Variants in SLC26A4 observed in about 807,000 individuals in gnomAD.
SLC26A4 encodes solute carrier family 26 member 4.
In SLC26A4, 93 loss-of-function variants were observed where a neutral mutation model predicts 90.4. The observed-to-expected ratio is 1.03, with a 90% confidence interval of 0.87 to 1.22. The LOEUF is 1.22. SLC26A4 is among the 50% of genes most tolerant of loss of function. The pLI is 0.00. For missense variants in SLC26A4, 1,127 were observed against 946.2 expected, an observed-to-expected ratio of 1.19 and a Z score of -2.51; for synonymous variants, 393 against 354.6, an observed-to-expected ratio of 1.11 and a Z score of -1.22.
intron 6 of SLC26A4, among the ~76,000 whole-genome samples, chr7:107,681,512 T>C: frequency 6.6e-6 from 1 of 152,314 alleles, no homozygotes; most frequent in Middle Eastern, 3.4e-3. Context: ...TTATAAACTA[T>C]AAGATGCTCC....
chr7:107,683,298 T>C lies in SLC26A4; in HGVS notation c.862T>C (p.Leu288=). The C allele has an allele frequency of 6.2e-7, 1 of 1,613,756 alleles. No homozygotes were observed. Among genetic ancestry groups the C allele is most frequent in the Non-Finnish European group, 8.5e-7 (1 of 1,179,808 alleles). Reference sequence around the variant, plus strand: ...TGTCGTCTGTATGGCAGTTAAGGAATTAAATGATCGGTTTAGACACAAAAT... The same window carrying C: ...TGTCGTCTGTATGGCAGTTAAGGAACTAAATGATCGGTTTAGACACAAAAT... ...TIVVCMAVKE[L]NDRFRHKIPV... is the part of the protein sequence containing the mutation. Residue 288 remains leucine (L), a synonymous_variant, in exon 7 of 21, where the codon TTA becomes CTA. Transcript: ENST00000644269.
intron 20 of SLC26A4, among the ~76,000 whole-genome samples, chr7:107,715,047 A>AC (rs1308267471): frequency 7.3e-6 from 1 of 137,856 alleles, no homozygotes; most frequent in East Asian, 2.2e-4. Context: ...TAACATGGTA[A>AC]CCCCCCGACC....
At chr7:107,691,934 T>C in intron 10 of SLC26A4, 1 of 1,287,026 alleles carries the variant, frequency 7.8e-7, no homozygotes, top group East Asian at 5.6e-5. Flanking sequence ...AGCAGGAACT[T>C]CTGCTGCTTT....
chr7:107,661,787 G>A lies in SLC26A4; in HGVS notation c.146G>A (p.Ser49Asn). ...RLQERKTLRE[S>N]LAKCCSCSRK... ...CAGGAGCGCAAGACGCTGCGGGAGA[G>A]CCTGGCCAAGTGCTGCAGGTAGCGG... is the stretch of plus-strand genomic sequence containing the variant. The change falls in exon 2 of 21, where the codon AGC (serine) becomes AAC (asparagine). Residue 49 changes from serine to asparagine, a missense_variant. Coordinates refer to ENST00000644269, the MANE Select transcript of SLC26A4 (RefSeq NM_000441.2). The surrounding 1 kb of genome is among the most constrained non-coding windows in gnomAD (Gnocchi z 5.1). 1 of 1,538,964 alleles carries A rather than the reference G, an allele frequency of 6.5e-7. No homozygotes were observed. The highest frequency in any genetic ancestry group is 2.0e-5 in the Admixed American group (1 of 51,040).
intron 6 of SLC26A4, among the ~76,000 whole-genome samples, chr7:107,677,440 T>TTTA (rs1042367218): frequency 2.0e-5 from 3 of 151,818 alleles, no homozygotes; most frequent in Non-Finnish European, 2.9e-5. Context: ...AAGAATTGAG[T>TTTA]TTATTATTAT....
intron 18 of SLC26A4, among the ~76,000 whole-genome samples, chr7:107,705,971 C>G (rs1792027030): frequency 1.3e-5 from 2 of 152,304 alleles, no homozygotes; most frequent in South Asian, 4.1e-4. Context: ...TACAGAGCTT[C>G]AGGAACTGAG....
intron 8 of SLC26A4, 115 bp from the exon 9 acceptor site, chr7:107,688,938 T>C (rs1297546074): frequency 5.5e-6 from 6 of 1,086,988 alleles, no homozygotes; most frequent in African/African-American, 4.7e-5. Flanking sequence ...TTTGTTCTTT[T>C]GGATCAAGTA....
At chr7:107,674,521 C>G (rs1790968201) in intron 5 of SLC26A4, among the ~76,000 whole-genome samples, 173 bp downstream of exon 5, 1 of 151,904 alleles carries the variant, frequency 6.6e-6, no homozygotes, top group Non-Finnish European at 1.5e-5. Context: ...TAAGCAAGAC[C>G]CCACTTATTA....
At position 107,715,783 on chromosome 7, in the gene SLC26A4, G is replaced by A. The variant is rs1792331016; in HGVS notation, c.*337G>A. 1 of 360,816 alleles carries A rather than the reference G, an allele frequency of 2.8e-6. No homozygotes were observed. The highest frequency in any genetic ancestry group is 5.1e-6 in the Non-Finnish European group (1 of 196,292). 22.4% of individuals were successfully genotyped at this position (360,816 alleles called of 1,614,324 possible). Reference sequence around the variant, plus strand: ...GAGTGCTGACCCAACAGCCTCTGTGGTCAAGCGAGTCACGAATGATTAATC... The same window carrying A: ...GAGTGCTGACCCAACAGCCTCTGTGATCAAGCGAGTCACGAATGATTAATC... On this transcript the variant is annotated 3_prime_UTR_variant, in exon 21 of 21. Coordinates refer to ENST00000644269, the MANE Select transcript of SLC26A4 (RefSeq NM_000441.2).
intron 6 of SLC26A4, 91 bp from the exon 7 acceptor site, chr7:107,683,111 T>G (rs932230304): frequency 2.1e-6 from 2 of 941,744 alleles, no homozygotes; most frequent in Non-Finnish European, 1.7e-6. Flanking sequence ...GTGGGAAGAT[T>G]CATATGAGAA....
rs1328652389 is a variant in SLC26A4, at chr7:107,661,242, C to T, written c.-4+387C>T. On this transcript the variant is annotated intron_variant, in intron 1 of 20. Transcript: ENST00000644269. This position sits in a 1 kb window ranked among gnomAD's most constrained non-coding sequence, Gnocchi z 5.1. ...GGGAGGGAATCTCAGTGTCCCCTTC[C>T]AGCCTTGCAAGCGCCTTTGGCCCCT... is the stretch of plus-strand genomic sequence containing the variant. 1.9e-5 allele frequency: 5 copies of T among 264,270 alleles called. No homozygotes were observed. Among genetic ancestry groups the T allele is most frequent in the African/African-American group, 1.2e-4 (5 of 43,266 alleles). 16.4% of individuals were successfully genotyped at this position (264,270 alleles called of 1,614,324 possible). A position where few individuals can be genotyped will look rare whatever the true frequency, so the allele number is the denominator to read the frequency against.
chr7:107,711,346 A>G (rs1179502596), intron 19 of SLC26A4, among the ~76,000 whole-genome samples: 1 of 152,176 alleles, frequency 6.6e-6, no homozygotes, highest in Non-Finnish European at 1.5e-5. Flanking sequence ...CTTTCTCAAC[A>G]TGAAAGCAGT....
rs944495881 is a variant in SLC26A4 at position 107,661,486 on chromosome 7, C to A, written c.-3-153C>A. On this transcript the variant is annotated intron_variant, in intron 1 of 20. Transcript: ENST00000644269. The surrounding 1 kb of genome is among the most constrained non-coding windows in gnomAD (Gnocchi z 5.1). ...CGCGCCGTGGGGCGCTTGTCGCGAG[C>A]GCCGAGGGCTGCAGGACGCGGACCA... 2.3e-6 allele frequency: 2 copies of A among 860,072 alleles called. No homozygotes were observed. The highest frequency in any genetic ancestry group is 1.7e-5 in the African/African-American group (1 of 59,870). 53.3% of individuals were successfully genotyped at this position (860,072 alleles called of 1,614,324 possible). A position where few individuals can be genotyped will look rare whatever the true frequency, so the allele number is the denominator to read the frequency against.
intron 10 of SLC26A4, among the ~76,000 whole-genome samples, chr7:107,691,512 T>TACACACAC (rs760010561): frequency 0.014 from 1,509 of 110,420 alleles, 21 homozygotes; most frequent in South Asian, 0.054. Context: ...CAAATATATA[T>TACACACAC]ATACACACAC....
intron 6 of SLC26A4, among the ~76,000 whole-genome samples, chr7:107,677,893 A>C (rs1049109002): frequency 2.6e-5 from 4 of 152,192 alleles, no homozygotes; most frequent in African/African-American, 4.8e-5. Flanking sequence ...CTGGGATTAA[A>C]GGAGTGAGCC....
chr7:107,693,364 A>T (rs1200827768), intron 10 of SLC26A4: 2 of 985,274 alleles, frequency 2.0e-6, no homozygotes, highest in Non-Finnish European at 2.4e-6. Flanking sequence ...TATAATCTAA[A>T]TATAAATGAT....
rs956535015 is a variant in SLC26A4, at chr7:107,663,315, T to C, written c.184T>C (p.Phe62Leu). 4 of 1,614,060 alleles carry C rather than the reference T, an allele frequency of 2.5e-6. No individual in the cohort carries two copies. In the Admixed American group the frequency reaches 5.0e-5, roughly 20 times the overall value. The change falls in exon 3 of 21, where the codon TTT (phenylalanine) becomes CTT (leucine). Residue 62 changes from phenylalanine to leucine, a missense_variant. By Grantham distance (22) the Phe-to-Leu change is conservative. Coordinates refer to ENST00000644269, the MANE Select transcript of SLC26A4 (RefSeq NM_000441.2). ...TGACAGTTGTTCAAGAAAGAGAGCC[T>C]TTGGTGTGCTAAAGACTCTTGTGCC... ...KCCSCSRKRA[F>L]GVLKTLVPIL...
intron 3 of SLC26A4, 39 bp downstream of exon 3, chr7:107,663,474 G>C (rs1790625740): frequency 6.2e-7 from 1 of 1,611,774 alleles, no homozygotes; most frequent in African/African-American, 1.3e-5. Flanking sequence ...GTCTCCAGCA[G>C]GAGTTTAACA....
rs1584346891 is a variant in SLC26A4, at chr7:107,712,593, A to G, written c.2290A>G (p.Thr764Ala). 2 of 1,587,528 alleles carry G rather than the reference A, an allele frequency of 1.3e-6. No homozygotes were observed. ...DTLELIETEL[T>A]EEELDVQDEA... ...CCTTGAATTAATAGAAACAGAGCTG[A>G]CGGAAGAAGAACTTGATGTCCAGGA... The change falls in exon 20 of 21, where the codon ACG (threonine) becomes GCG (alanine). Residue 764 changes from threonine (T) to alanine (A), a missense_variant. Thr to Ala is a moderately conservative substitution (Grantham distance 58, BLOSUM62 0). Transcript: ENST00000644269.
Sources: gnomAD v4.1 joint callset for allele counts (sites outside exome capture counted in the v4.1 genomes callset) on GRCh38, gnomAD v4.1.1 for gene constraint, Gnocchi (gnomAD v3.1) non-coding constraint, MANE v1.5 for transcripts, NCBI Gene and HGNC (gene_info 2026-07-23, HGNC 2026-07-21) for gene names.